FRS3: variants seen among roughly 807,000 people sequenced by gnomAD.
The protein encoded by FRS3 is fibroblast growth factor receptor substrate 3.
Under a neutral mutation model 41.9 loss-of-function variants are expected in FRS3, and 17 were observed. That is an observed-to-expected ratio of 0.41 (90% CI 0.28 to 0.61). The LOEUF is 0.61. Among genes scored for constraint, FRS3 ranks in the 20% least tolerant of loss-of-function variants. FRS3 has a pLI of 0.36. For synonymous variants in FRS3, 287 were observed against 274.5 expected, an observed-to-expected ratio of 1.05 and a Z score of -0.45; for missense variants, 619 against 672.1, an observed-to-expected ratio of 0.92 and a Z score of 0.87.
intron 5 of FRS3, 53 bp downstream of exon 5, chr6:41,772,745 C>CGTGTGTGTGT (rs70987534): frequency 0.14 from 156,214 of 1,144,412 alleles, 7,608 homozygotes; most frequent in Admixed American, 0.27. Context: ...GCTTCCTGGG[C>CGTGTGTGTGT]GTGTGTGTGT....
At chr6:41,772,337 T>C (rs1448585729) in intron 5 of FRS3, among the ~76,000 whole-genome samples, 4 of 152,182 alleles carry the variant, frequency 2.6e-5, no homozygotes, top group Admixed American at 2.0e-4. Flanking sequence ...CTGTCCCCCA[T>C]GGGCCAGTCC....
intron 1 of FRS3, among the ~76,000 whole-genome samples, chr6:41,779,536 G>T (rs1469268127): frequency 6.6e-6 from 1 of 151,972 alleles, no homozygotes; most frequent in Non-Finnish European, 1.5e-5. Flanking sequence ...GAGATGCGAT[G>T]ATGTGTCCAG....
intron 4 of FRS3, 137 bp downstream of exon 4, chr6:41,775,282 C>A (rs1772385237): frequency 1.5e-6 from 1 of 649,320 alleles, no homozygotes; most frequent in African/African-American, 1.8e-5. Flanking sequence ...CCTCTGACTG[C>A]AGGGAGAATA....
In FRS3 at chr6:41,771,353, C is replaced by G. The variant is rs532704379; in HGVS notation, c.745G>C (p.Ala249Pro). The G allele has an allele frequency of 6.2e-6, 10 of 1,613,460 alleles. No individual in the cohort carries two copies. Among genetic ancestry groups the G allele is most frequent in the Admixed American group, 5.0e-5 (3 of 59,930 alleles). ...TGGCACTTCACCATGTGCCGCCGAG[C>G]AGGGGTCGGGCCCAACACAAACTTC... ...QVKFVLGPTP[A>P]RRHMVKCQGL... Residue 249 changes from alanine to proline, a missense_variant, in exon 7 of 7, where the codon GCT becomes CCT. By Grantham distance (27) the Ala-to-Pro change is conservative (BLOSUM62 -1). Coordinates refer to ENST00000373018, the MANE Select transcript of FRS3 (RefSeq NM_006653.5).
In FRS3 at chr6:41,770,739, G is replaced by A. The variant is rs1296619291; in HGVS notation, c.1359C>T (p.Asp453=). Reference sequence around the variant, plus strand: ...TTTTGAGGTCAATCACGGCGTAGGAGTCTGAGCTTCGGGCAGGGTGGGTGG... The same window carrying A: ...TTTTGAGGTCAATCACGGCGTAGGAATCTGAGCTTCGGGCAGGGTGGGTGG... ...MPTTHPARSS[D]SYAVIDLKKT... The change falls in exon 7 of 7, where the codon GAC becomes GAT. Residue 453 remains aspartate (D), a synonymous_variant. Transcript: ENST00000373018. 2 of 1,613,816 alleles carry A rather than the reference G, an allele frequency of 1.2e-6. No individual in the cohort carries two copies. The highest frequency in any genetic ancestry group is 3.3e-5 in the Admixed American group (2 of 60,028).
chr6:41,772,971 G>A lies in FRS3; in HGVS notation c.254-12C>T. The A allele has an allele frequency of 6.2e-7, 1 of 1,613,296 alleles. No homozygotes were observed. The highest frequency in any genetic ancestry group is 8.5e-7 in the Non-Finnish European group (1 of 1,179,400). On this transcript the variant is annotated splice_polypyrimidine_tract_variant and intron_variant, in intron 4 of 6. Transcript: ENST00000373018. Reference sequence around the variant, plus strand: ...AAATGCAAATATTCCTGGAGAAGGAGAGGAAGAAATGACCCTAGGCAATAG... The same window carrying A: ...AAATGCAAATATTCCTGGAGAAGGAAAGGAAGAAATGACCCTAGGCAATAG...
At position 41,771,289 on chromosome 6, in the gene FRS3, T is replaced by G. The variant is rs376907371; in HGVS notation, c.809A>C (p.Asn270Thr). ...CTCAGAAGGGGCCTCATTGTTATTATTGTGGTGTGGGGGGTCATGCAGGCT... is the reference window on the plus strand; with the variant it reads ...CTCAGAAGGGGCCTCATTGTTATTAGTGTGGTGTGGGGGGTCATGCAGGCT... The part of the protein sequence containing the change: ...CPSLHDPPHH[N>T]NNNEAPSECP... Residue 270 changes from asparagine (N) to threonine (T), a missense_variant, in exon 7 of 7, where the codon AAT becomes ACT. Coordinates refer to ENST00000373018, the MANE Select transcript of FRS3 (RefSeq NM_006653.5). 4 of 1,613,024 alleles carry G rather than the reference T, an allele frequency of 2.5e-6. No individual in the cohort carries two copies. The African/African-American group carries it at 5.3e-5, about 22-fold the overall frequency.
Position 41,770,968 on chromosome 6 carries a change from C to G in FRS3, c.1130G>C (p.Arg377Pro). ...GCTGCCGTGGCTGCGGATGGCGGCC[C>G]GGGTGCTGGTGGGCTTCTGCAGTGG... ...ETPLQKPTST[R>P]AAIRSHGSFP... The change falls in exon 7 of 7, where the codon CGG becomes CCG. Residue 377 changes from arginine to proline, a missense_variant. Physicochemically the swap from Arg to Pro is moderately radical, Grantham distance 103 (BLOSUM62 -2). This residue lies in a region of FRS3 where 487 missense variants were observed against 478.3 expected (regional missense o/e 1.02). Coordinates refer to ENST00000373018, the MANE Select transcript of FRS3 (RefSeq NM_006653.5). 6.2e-7 allele frequency: 1 copy of G among 1,612,958 alleles called. No homozygotes were observed. Among genetic ancestry groups the G allele is most frequent in the Non-Finnish European group, 8.5e-7 (1 of 1,179,914 alleles).
chr6:41,772,219 G>A (rs751022236), intron 5 of FRS3, among the ~76,000 whole-genome samples: 9 of 152,192 alleles, frequency 5.9e-5, no homozygotes, highest in Middle Eastern at 3.4e-3. Context: ...CACCCGAAAC[G>A]CATAAAGCAC....
At chr6:41,772,056 A>G in intron 5 of FRS3, 92 bp from the exon 6 acceptor site, 4 of 1,048,990 alleles carry the variant, frequency 3.8e-6, no homozygotes, top group Non-Finnish European at 5.4e-6. Flanking sequence ...GGACTCCTCT[A>G]ATGGAGGACA....
At position 41,770,812 on chromosome 6, in the gene FRS3, C is replaced by T. The variant is rs767384110; in HGVS notation, c.1286G>A (p.Arg429His). The change falls in exon 7 of 7, where the codon CGC becomes CAC. Residue 429 changes from arginine (R) to histidine (H), a missense_variant. Transcript: ENST00000373018. Reference sequence around the variant, plus strand: ...CGAGGGGTTCTGGGGCCCCTTAGGGCGGTCTCCACCCCAGCCCTTTAGCTC... The same window carrying T: ...CGAGGGGTTCTGGGGCCCCTTAGGGTGGTCTCCACCCCAGCCCTTTAGCTC... ...QVELKGWGGD[R>H]PKGPQNPSSP... The T allele has an allele frequency of 1.2e-5, 19 of 1,610,692 alleles. No homozygotes were observed. Among genetic ancestry groups the T allele is most frequent in the South Asian group, 3.3e-5 (3 of 91,038 alleles).
At position 41,772,779 on chromosome 6, in the gene FRS3, T is replaced by TGTGTGA; in HGVS notation, c.415+18_415+19insTCACAC. ...GTGTGTGTGTGTGTGTGTGTGTGTG[T>TGTGTGA]ACACTGGGGTCTCCTCACCATTGGG... On this transcript the variant is annotated intron_variant, in intron 5 of 6. Transcript: ENST00000373018. The TGTGTGA allele has an allele frequency of 1.9e-6, 3 of 1,581,818 alleles. No individual in the cohort carries two copies. The highest frequency in any genetic ancestry group is 1.7e-6 in the Non-Finnish European group (2 of 1,164,222).
intron 3 of FRS3, chr6:41,776,580 T>A (rs1203699291): frequency 4.4e-6 from 1 of 228,826 alleles, no homozygotes; most frequent in Non-Finnish European, 8.6e-6. Context: ...CTATTTTAAA[T>A]ACTTTACGTA....
At chr6:41,777,191 C>T (rs139183591) in intron 2 of FRS3, among the ~76,000 whole-genome samples, 181 bp from the exon 3 acceptor site, 45 of 152,310 alleles carry the variant, frequency 3.0e-4, no homozygotes, top group African/African-American at 1.1e-3. Flanking sequence ...ATTGGATAAA[C>T]GTTAATTCAA....
In FRS3 at chr6:41,771,111, G is replaced by A. The variant is rs760416847; in HGVS notation, c.987C>T (p.Pro329=). The change falls in exon 7 of 7, where the codon CCC becomes CCT. Residue 329 remains proline (P), a synonymous_variant. Coordinates refer to ENST00000373018, the MANE Select transcript of FRS3 (RefSeq NM_006653.5). ...LLHYENLPPL[P]PVWESQAQQL... ...GCTGGGCTTGGCTTTCCCACACAGG[G>A]GGCAGTGGGGGCAGGTTCTCATAGT... 1.3e-6 allele frequency: 2 copies of A among 1,581,386 alleles called. No homozygotes were observed. The highest frequency in any genetic ancestry group is 2.3e-5 in the South Asian group (2 of 85,364).
At chr6:41,779,483 CAGG>C (rs1304287593) in intron 1 of FRS3, among the ~76,000 whole-genome samples, 1 of 151,804 alleles carries the variant, frequency 6.6e-6, no homozygotes, top group African/African-American at 2.4e-5. Context: ...GTGGGCATAG[CAGG>C]AGATTTGTTG....
rs745616952 is a variant in FRS3, at chr6:41,771,255, G to A, written c.843C>T (p.Ala281=). 6.2e-7 allele frequency: 1 copy of A among 1,606,710 alleles called. No homozygotes were observed. The highest frequency in any genetic ancestry group is 2.2e-5 in the East Asian group (1 of 44,726). ...NNNEAPSECP[A]QPKCTYENVT... ...CGTTCTCGTAGGTGCACTTGGGCTG[G>A]GCTGGACACTCAGAAGGGGCCTCAT... Residue 281 remains alanine (A), a synonymous_variant, in exon 7 of 7, where the codon GCC becomes GCT. Transcript: ENST00000373018.
rs951383631 is a variant in FRS3, at chr6:41,771,032, A to T, written c.1066T>A (p.Ser356Thr). The change falls in exon 7 of 7, where the codon TCT (serine) becomes ACT (threonine). Residue 356 changes from serine (S) to threonine (T), a missense_variant. Ser to Thr is a moderately conservative substitution (Grantham distance 58, BLOSUM62 1). Transcript: ENST00000373018. ...TCACCATCAGGGAAGCCATTGGAAG[A>T]GGGTGTGAGCCCATCCCTCGAGTCC... ...DGDSRDGLTP[S>T]SNGFPDGEED... 1.2e-6 allele frequency: 2 copies of T among 1,612,902 alleles called. No individual in the cohort carries two copies. The highest frequency in any genetic ancestry group is 1.7e-6 in the Non-Finnish European group (2 of 1,179,678).
In FRS3 at chr6:41,771,444, G is replaced by C. The variant is rs1295032138; in HGVS notation, c.654C>G (p.Pro218=). The part of the protein sequence containing the change: ...CLQPLPEGQA[P]FLPQARGPDQ... ...CAGGTCCCCGGGCCTGCGGGAGGAA[G>C]GGTGCCTGACCCTCAGGCAGGGGCT... is the stretch of plus-strand genomic sequence containing the variant. The change falls in exon 7 of 7, where the codon CCC becomes CCG. Residue 218 remains proline (P), a synonymous_variant. Coordinates refer to ENST00000373018, the MANE Select transcript of FRS3 (RefSeq NM_006653.5). The C allele has an allele frequency of 3.1e-6, 5 of 1,610,932 alleles. No individual in the cohort carries two copies. Among genetic ancestry groups the C allele is most frequent in the Non-Finnish European group, 4.2e-6 (5 of 1,178,346 alleles).
Sources: gnomAD v4.1 joint callset for allele counts (sites outside exome capture counted in the v4.1 genomes callset) on GRCh38, gnomAD v4.1.1 for gene constraint, gnomAD v4.1.1 regional missense constraint, MANE v1.5 for transcripts, NCBI Gene and HGNC (gene_info 2026-07-23, HGNC 2026-07-21) for gene names.